DEUP1: variants seen among roughly 807,000 people sequenced by gnomAD.
The protein encoded by DEUP1 is deuterosome assembly protein 1, also known as coiled-coil domain containing 67.
A neutral mutation model predicts 87.4 loss-of-function variants in DEUP1; 82 were observed. That is an observed-to-expected ratio of 0.94 (90% confidence interval 0.78 to 1.13). The LOEUF (loss-of-function observed/expected upper bound fraction) is 1.13, where lower values mean the gene tolerates loss of function less well. DEUP1 is among the 50% of genes most tolerant of loss of function. The pLI is 0.00. For synonymous variants in DEUP1, 214 were observed against 222.7 expected (o/e 0.96, Z 0.35); for missense variants, 663 against 681.5 (o/e 0.97, Z 0.30).
rs1565316315 is a variant in DEUP1, at chr11:93,373,624, CGTATAT to C, written c.789+2345_789+2350del. Among the ~76,000 whole-genome samples the C allele has an allele frequency of 1.4e-3, 109 of 78,880 alleles. 1 individual carries two copies. In the East Asian group the frequency reaches 0.019, roughly 14 times the overall value. The allele number at this position is 78,880 out of a possible 152,430, so 51.7% of individuals were successfully genotyped here. On this transcript the variant is annotated intron_variant, in intron 7 of 13. Coordinates refer to ENST00000298050, the MANE Select transcript of DEUP1 (RefSeq NM_181645.4). ...ATATATTTATATATGTATATATATACGTATATATATATATATATATATATATACGTA... is the reference window on the plus strand; with the variant it reads ...ATATATTTATATATGTATATATATACATATATATATATATATATATACGTA...
chr11:93,339,773 G>A (rs112451506), intron 2 of DEUP1, among the ~76,000 whole-genome samples: 26 of 152,188 alleles, frequency 1.7e-4, no homozygotes, highest in African/African-American at 3.1e-4. Context: ...ATCCCTACCC[G>A]TCCCAGCCAA....
chr11:93,410,089 T>G (rs888844386), intron 12 of DEUP1, among the ~76,000 whole-genome samples: 3 of 152,136 alleles, frequency 2.0e-5, no homozygotes, highest in Non-Finnish European at 4.4e-5. Context: ...TGTTCAACAT[T>G]CTTATGGGTA....
chr11:93,368,971 C>A (rs532922802), intron 5 of DEUP1, among the ~76,000 whole-genome samples: 3 of 151,492 alleles, frequency 2.0e-5, no homozygotes, highest in Admixed American at 2.0e-4. Flanking sequence ...AAACCACCCC[C>A]GTGCCCACCA....
At chr11:93,398,874 C>A (rs544979140) in intron 11 of DEUP1, among the ~76,000 whole-genome samples, 2 of 152,000 alleles carry the variant, frequency 1.3e-5, no homozygotes, top group Non-Finnish European at 2.9e-5. Flanking sequence ...GCACATGCCA[C>A]CATGTCCAGC....
intron 4 of DEUP1, among the ~76,000 whole-genome samples, chr11:93,358,293 T>G (rs951398901): frequency 3.9e-5 from 6 of 152,228 alleles, no homozygotes; most frequent in Non-Finnish European, 7.3e-5. Flanking sequence ...TCCTTGCCAT[T>G]TGATGCTTTG....
At position 93,372,768 on chromosome 11, in the gene DEUP1, T is replaced by C. The variant is rs1298428025; in HGVS notation, c.789+1488T>C. Among the ~76,000 whole-genome samples, 5 of 152,308 alleles carry C rather than the reference T, an allele frequency of 3.3e-5. 1 individual carries two copies. The South Asian group carries it at 1.0e-3, about 32-fold the overall frequency. On this transcript the variant is annotated intron_variant, in intron 7 of 13. Coordinates refer to ENST00000298050, the MANE Select transcript of DEUP1 (RefSeq NM_181645.4). ...TGTAAACCAATAAAGAAAGCTAATCTACAAACACTAAATGCAGAGGAAGCC... is the reference window on the plus strand; with the variant it reads ...TGTAAACCAATAAAGAAAGCTAATCCACAAACACTAAATGCAGAGGAAGCC...
At chr11:93,415,585 A>C (rs574952338) in intron 13 of DEUP1, among the ~76,000 whole-genome samples, 1 of 152,014 alleles carries the variant, frequency 6.6e-6, no homozygotes, top group Non-Finnish European at 1.5e-5. Flanking sequence ...AGTAATGATC[A>C]GACATCCCCA....
intron 5 of DEUP1, among the ~76,000 whole-genome samples, chr11:93,368,399 G>C (rs911429124): frequency 6.6e-6 from 1 of 152,198 alleles, no homozygotes; most frequent in Non-Finnish European, 1.5e-5. Context: ...CTGAGACTGG[G>C]TAATTTATGA....
chr11:93,437,542 G>A lies in DEUP1; in HGVS notation c.1639-1G>A. On this transcript the variant is annotated splice_acceptor_variant, in intron 13 of 13. Coordinates refer to ENST00000298050, the MANE Select transcript of DEUP1 (RefSeq NM_181645.4). LOFTEE classifies it high-confidence loss of function. ...TCACTTTTCTTTCTTTCTCTCTTTA[G>A]TCTCCCCCAGATATGTCCTTCCCAG... 2 of 1,601,222 alleles carry A rather than the reference G, an allele frequency of 1.2e-6. No individual in the cohort carries two copies. Among genetic ancestry groups the A allele is most frequent in the Non-Finnish European group, 1.7e-6 (2 of 1,176,088 alleles).
chr11:93,415,633 C>G (rs1170467590), intron 13 of DEUP1, among the ~76,000 whole-genome samples: 1 of 151,888 alleles, frequency 6.6e-6, no homozygotes, highest in African/African-American at 2.4e-5. Flanking sequence ...CTTCCAGTCT[C>G]TACTTCTGCT....
chr11:93,359,115 G>A (rs765930576), intron 4 of DEUP1, among the ~76,000 whole-genome samples: 6 of 152,140 alleles, frequency 3.9e-5, no homozygotes, highest in Admixed American at 6.5e-5. Flanking sequence ...TACTTGATTC[G>A]GTTTGCATAA....
At chr11:93,360,969 A>C (rs1383519971) in intron 4 of DEUP1, among the ~76,000 whole-genome samples, 1 of 151,946 alleles carries the variant, frequency 6.6e-6, no homozygotes, top group Non-Finnish European at 1.5e-5. Flanking sequence ...AAACAGGATA[A>C]ATCAAAAGAC....
chr11:93,347,212 T>C (rs3020082), intron 2 of DEUP1, among the ~76,000 whole-genome samples: 17,599 of 152,206 alleles, frequency 0.12, 1,578 homozygotes, highest in East Asian at 0.35. Context: ...ACCTAGTTTA[T>C]TGAGAGTTTT....
chr11:93,434,080 G>T (rs377300987), intron 13 of DEUP1, among the ~76,000 whole-genome samples: 3 of 152,290 alleles, frequency 2.0e-5, no homozygotes, highest in South Asian at 4.1e-4. Flanking sequence ...ATCAGCCTGG[G>T]GAAGGGGATC....
At chr11:93,386,426 T>C (rs1188378451) in intron 8 of DEUP1, among the ~76,000 whole-genome samples, 1 of 152,252 alleles carries the variant, frequency 6.6e-6, no homozygotes, top group African/African-American at 2.4e-5. Flanking sequence ...AGTTCATTGA[T>C]GCTCTTATTC....
chr11:93,379,798 C>T (rs1946213519), intron 7 of DEUP1, among the ~76,000 whole-genome samples: 1 of 148,954 alleles, frequency 6.7e-6, no homozygotes, highest in Non-Finnish European at 1.5e-5. Flanking sequence ...TAAGGAAAGT[C>T]CATGTTACCT....
intron 10 of DEUP1, 29 bp downstream of exon 10, chr11:93,394,685 C>T (rs369736531): frequency 5.9e-6 from 9 of 1,516,018 alleles, no homozygotes; most frequent in Non-Finnish European, 8.1e-6. Context: ...TAGCACTTGT[C>T]TAGGGCACAT....
chr11:93,332,012 G>A (rs1280390422), intron 1 of DEUP1, among the ~76,000 whole-genome samples: 3 of 152,162 alleles, frequency 2.0e-5, no homozygotes, highest in Non-Finnish European at 4.4e-5. Flanking sequence ...CTGCACTCCA[G>A]CCTGGGCCAC....
intron 7 of DEUP1, among the ~76,000 whole-genome samples, chr11:93,379,052 T>C (rs1259435269): frequency 6.6e-6 from 1 of 152,202 alleles, no homozygotes; most frequent in African/African-American, 2.4e-5. Context: ...ATTTCACTAG[T>C]AGGCCCAGTT....
Sources: allele counts gnomAD v4.1 joint callset (sites outside exome capture counted in the v4.1 genomes callset), GRCh38; gene constraint gnomAD v4.1.1; transcripts MANE v1.5; gene names NCBI Gene and HGNC (gene_info 2026-07-23, HGNC 2026-07-21).